KIF24: variants seen among roughly 807,000 people sequenced by gnomAD.
KIF24 encodes kinesin-like protein KIF24.
In KIF24, 81 loss-of-function variants were observed where a neutral mutation model predicts 118.9. The observed-to-expected ratio is 0.68, with a 90% confidence interval of 0.57 to 0.82. The LOEUF (loss-of-function observed/expected upper bound fraction) is 0.82, where lower values mean the gene tolerates loss of function less well. KIF24 is among the 40% of genes least tolerant of loss of function. The pLI, the probability that KIF24 is intolerant of heterozygous loss-of-function variation, is 0.00. For missense variants in KIF24, 1,560 were observed against 1,661.6 expected, an observed-to-expected ratio of 0.94 and a Z score of 1.06; for synonymous variants, 599 against 610.0, an observed-to-expected ratio of 0.98 and a Z score of 0.27.
chr9:34,259,797 C>G, intron 9 of KIF24, 92 bp from the exon 10 acceptor site: 5 of 752,022 alleles, frequency 6.6e-6, no homozygotes, highest in Non-Finnish European at 1.2e-5. Flanking sequence ...GGCCATAGTT[C>G]CCTTCTGTCC....
rs1836207488 is a variant in KIF24 at position 34,290,322 on chromosome 9, G to A, written c.979C>T (p.His327Tyr). Residue 327 changes from histidine to tyrosine, a missense_variant, in exon 5 of 13, where the codon CAT becomes TAT. Transcript: ENST00000402558. Reference protein sequence around the residue: ...AGKTYTMIGTHENPGLYALAA... With the variant: ...AGKTYTMIGTYENPGLYALAA... ...AGAGCATACAATCCTGGGTTCTCATGAGTTCCTATCATGGTGTAGGTCTTT... is the reference window on the plus strand; with the variant it reads ...AGAGCATACAATCCTGGGTTCTCATAAGTTCCTATCATGGTGTAGGTCTTT... The A allele has an allele frequency of 6.2e-7, 1 of 1,613,922 alleles. No homozygotes were observed. The highest frequency in any genetic ancestry group is 1.1e-5 in the South Asian group (1 of 91,070).
rs368539542 is a variant in KIF24, at chr9:34,256,790, T to C, written c.2817A>G (p.Pro939=). ...ATATGAAATCTACCTGTGAACAGTATGGCTTCTCTGCCAGGCTGTCTCTGG... is the reference window on the plus strand; with the variant it reads ...ATATGAAATCTACCTGTGAACAGTACGGCTTCTCTGCCAGGCTGTCTCTGG... The part of the protein sequence containing the change: ...PSPRDSLAEK[P]YCSQVDFIYR... The change falls in exon 11 of 13, where the codon CCA becomes CCG. Residue 939 remains proline, a synonymous_variant. Transcript: ENST00000402558. 8 of 1,613,888 alleles carry C rather than the reference T, an allele frequency of 5.0e-6. No homozygotes were observed. Among genetic ancestry groups the C allele is most frequent in the Non-Finnish European group, 6.8e-6 (8 of 1,179,888 alleles).
chr9:34,275,893 A>G (rs976073478), intron 6 of KIF24, among the ~76,000 whole-genome samples: 8 of 152,160 alleles, frequency 5.3e-5, no homozygotes, highest in Non-Finnish European at 8.8e-5. Context: ...AGGCGAATAC[A>G]AAGATTATCT....
intron 1 of KIF24, among the ~76,000 whole-genome samples, chr9:34,311,777 CACAT>C (rs1172720727): frequency 6.8e-6 from 1 of 146,904 alleles, no homozygotes; most frequent in Admixed American, 6.8e-5. Flanking sequence ...CATATATATA[CACAT>C]ATATATACAC....
chr9:34,324,982 TATATG>T (rs1247800608), intron 1 of KIF24, among the ~76,000 whole-genome samples: 1 of 152,096 alleles, frequency 6.6e-6, no homozygotes, highest in Non-Finnish European at 1.5e-5. Context: ...TAATAATTAT[TATATG>T]ATAATTATTT....
At chr9:34,332,271 A>T (rs1367321512), upstream of KIF24, among the ~76,000 whole-genome samples, 1 of 152,200 alleles carries the variant, frequency 6.6e-6, no homozygotes. Context: ...AGTGCCTTGC[A>T]TCCGCCTCCC....
chr9:34,318,884 A>T lies in KIF24; in HGVS notation c.-25-7513T>A. On this transcript the variant is annotated intron_variant, in intron 1 of 12. Coordinates refer to ENST00000402558, the MANE Select transcript of KIF24 (RefSeq NM_194313.4). This position sits in a 1 kb window ranked among gnomAD's most constrained non-coding sequence, Gnocchi z 4.9. The stretch of plus-strand genomic sequence containing the variant: ...GCACTACAACTGCGAGCACTCCAAG[A>T]TCAATTTCCATGACAAGCGCAGTGC... 6.3e-7 allele frequency: 1 copy of T among 1,599,918 alleles called. No individual in the cohort carries two copies. The highest frequency in any genetic ancestry group is 8.5e-7 in the Non-Finnish European group (1 of 1,171,218).
In KIF24 at chr9:34,257,636, C is replaced by T. The variant is rs964078207; in HGVS notation, c.1971G>A (p.Val657=). ...PVKGTVRSGH[V]AKKKPEESAP... Reference sequence around the variant, plus strand: ...CTGACTCTTCTGGCTTTTTTTTGGCCACATGTCCAGAGCGCACAGTTCCTT... The same window carrying T: ...CTGACTCTTCTGGCTTTTTTTTGGCTACATGTCCAGAGCGCACAGTTCCTT... The change falls in exon 11 of 13, where the codon GTG becomes GTA. Residue 657 remains valine, a synonymous_variant. Coordinates refer to ENST00000402558, the MANE Select transcript of KIF24 (RefSeq NM_194313.4). The T allele has an allele frequency of 6.2e-7, 1 of 1,613,906 alleles. No individual in the cohort carries two copies.
chr9:34,287,243 T>C (rs1389250658), intron 5 of KIF24, among the ~76,000 whole-genome samples: 1 of 152,242 alleles, frequency 6.6e-6, no homozygotes, highest in East Asian at 1.9e-4. Context: ...CCTGAGCTGC[T>C]GGAGTAAACC....
At chr9:34,319,237 C>A in intron 1 of KIF24, 2 of 1,471,416 alleles carry the variant, frequency 1.4e-6, no homozygotes, top group Non-Finnish European at 9.5e-7. Flanking sequence ...TGGAGCCCCT[C>A]GAGGCCTTAA....
chr9:34,326,122 T>C (rs4879774), intron 1 of KIF24, among the ~76,000 whole-genome samples: 114,606 of 152,112 alleles, frequency 0.75, 43,763 homozygotes, highest in East Asian at 0.95. Context: ...TTTAGGAGGC[T>C]GAGGGAGGAT....
chr9:34,318,676 G>A lies in KIF24; in HGVS notation c.-25-7305C>T, dbSNP rs770669533. On this transcript the variant is annotated intron_variant, in intron 1 of 12. Coordinates refer to ENST00000402558, the MANE Select transcript of KIF24 (RefSeq NM_194313.4). This position sits in a 1 kb window ranked among gnomAD's most constrained non-coding sequence, Gnocchi z 4.9. ...TGGGCGGCAAGGCGACCACGGCGTC[G>A]GAGGCCAAGGCAGTGCTGAGTGCCA... is the stretch of plus-strand genomic sequence containing the variant. The A allele has an allele frequency of 1.0e-5, 16 of 1,540,440 alleles. No individual in the cohort carries two copies. The highest frequency in any genetic ancestry group is 5.4e-5 in the African/African-American group (4 of 74,374).
At chr9:34,294,842 G>A (rs982027787) in intron 4 of KIF24, among the ~76,000 whole-genome samples, 3 of 152,148 alleles carry the variant, frequency 2.0e-5, no homozygotes, top group Non-Finnish European at 2.9e-5. Flanking sequence ...CCTAAGACCT[G>A]GGGGTGAGGG....
At chr9:34,271,286 T>G (rs1835493421) in intron 7 of KIF24, among the ~76,000 whole-genome samples, 1 of 141,250 alleles carries the variant, frequency 7.1e-6, no homozygotes, top group Non-Finnish European at 1.5e-5. Flanking sequence ...AGTAACCACT[T>G]AGGTAATTAC....
intron 2 of KIF24, among the ~76,000 whole-genome samples, chr9:34,308,434 C>T (rs1203734033): frequency 6.6e-6 from 1 of 152,026 alleles, no homozygotes; most frequent in Non-Finnish European, 1.5e-5. Context: ...CAGGCACCTG[C>T]CATGACGCTC....
rs529321250 is a variant in KIF24 at position 34,259,751 on chromosome 9, A to G, written c.1516-46T>C. The G allele has an allele frequency of 7.3e-6, 9 of 1,230,314 alleles. No homozygotes were observed. In the South Asian group the frequency reaches 1.1e-4, roughly 15 times the overall value. 76.2% of individuals were successfully genotyped at this position (1,230,314 alleles called of 1,614,324 possible). ...GTCAATGAGTGAAGTCAATTAACAAAGTGCATACTGACTACTTACTAGGTG... is the reference window on the plus strand; with the variant it reads ...GTCAATGAGTGAAGTCAATTAACAAGGTGCATACTGACTACTTACTAGGTG... On this transcript the variant is annotated intron_variant, in intron 9 of 12. Coordinates refer to ENST00000402558, the MANE Select transcript of KIF24 (RefSeq NM_194313.4).
chr9:34,253,490 A>G lies in KIF24; in HGVS notation c.*890T>C, dbSNP rs4574933. On this transcript the variant is annotated 3_prime_UTR_variant, in exon 13 of 13. Coordinates refer to ENST00000402558, the MANE Select transcript of KIF24 (RefSeq NM_194313.4). ...CTCTGTTCAACTGCCAAGGTTCCCA[A>G]CACAGACCCCTGAGAGGCAGGGTGG... 24,237 of 152,272 alleles carry G rather than the reference A, an allele frequency of 0.16. 2,348 individuals are homozygous for G. Among genetic ancestry groups the G allele is most frequent in the South Asian group, 0.25 (1,195 of 4,830 alleles). The allele number at this position is 152,272 out of a possible 1,614,324, so 9.4% of individuals were successfully genotyped here. A position where few individuals can be genotyped will look rare whatever the true frequency, so the allele number is the denominator to read the frequency against.
At chr9:34,305,803 G>C (rs576082361) in intron 3 of KIF24, among the ~76,000 whole-genome samples, 1 of 151,944 alleles carries the variant, frequency 6.6e-6, no homozygotes, top group Non-Finnish European at 1.5e-5. Flanking sequence ...ACAGGATCTC[G>C]CTATGGTGCC....
chr9:34,287,556 A>T (rs536370674), intron 5 of KIF24, among the ~76,000 whole-genome samples: 58 of 152,324 alleles, frequency 3.8e-4, no homozygotes, highest in Non-Finnish European at 6.3e-4. Context: ...AGGGTTAAGA[A>T]CGGAATTCCA....
Sources: gnomAD v4.1 joint callset for allele counts (sites outside exome capture counted in the v4.1 genomes callset) on GRCh38, gnomAD v4.1.1 for gene constraint, Gnocchi (gnomAD v3.1) non-coding constraint, MANE v1.5 for transcripts, NCBI Gene and HGNC (gene_info 2026-07-23, HGNC 2026-07-21) for gene names.